The following CDKN2B-AS1 variants were observed in gnomAD, a reference collection of about 807,000 sequenced individuals.
The protein encoded by CDKN2B-AS1 is CDKN2B and CDKN2A antisense cis and trans regulatory RNA 1.
rs1472963214 is a variant in CDKN2B-AS1 at position 22,060,798 on chromosome 9, G to A, written n.438+4411G>A. 2.6e-5 allele frequency among the ~76,000 whole-genome samples: 4 copies of A among 152,288 alleles called. No individual in the cohort carries two copies. The East Asian group carries it at 5.8e-4, about 22-fold the overall frequency. ...GGAGGTGAAAGGCACTTCTCATGTG[G>A]CAGTGGCAAGAGTAAAATGAGGAGG... On this transcript the variant is annotated intron_variant and non_coding_transcript_variant, in intron 4 of 4. Coordinates refer to ENST00000650946, the Ensembl canonical transcript of CDKN2B-AS1.
At chr9:22,080,312 G>A (rs72651091) in intron 4 of CDKN2B-AS1, among the ~76,000 whole-genome samples, 1 of 152,204 alleles carries the variant, frequency 6.6e-6, no homozygotes, top group African/African-American at 2.4e-5. Context: ...ACTTAGAAAT[G>A]TACCGACCAC....
chr9:22,012,396 C>A, intron 1 of CDKN2B-AS1: 1 of 832,832 alleles, frequency 1.2e-6, no homozygotes, highest in Non-Finnish European at 2.1e-6. Context: ...ATTGAGCCTT[C>A]ACTCTTCCAG....
At chr9:22,024,145 G>C (rs2131229539) in intron 1 of CDKN2B-AS1, among the ~76,000 whole-genome samples, 1 of 152,218 alleles carries the variant, frequency 6.6e-6, no homozygotes, top group East Asian at 1.9e-4. Flanking sequence ...TGACCTTGAG[G>C]GTTTGATTGT....
At chr9:22,063,380 A>G (rs1400371780) in intron 4 of CDKN2B-AS1, among the ~76,000 whole-genome samples, 1 of 152,216 alleles carries the variant, frequency 6.6e-6, no homozygotes, top group Non-Finnish European at 1.5e-5. Context: ...TGCCTGCTTA[A>G]AGTAAGGAAA....
At chr9:22,028,769 C>T (rs983403743) in intron 1 of CDKN2B-AS1, among the ~76,000 whole-genome samples, 1 of 152,088 alleles carries the variant, frequency 6.6e-6, no homozygotes, top group East Asian at 1.9e-4. Context: ...GTTTGTGAAA[C>T]ATTTATGCAG....
chr9:22,005,662 C>T lies in CDKN2B-AS1; in HGVS notation n.29+10501C>T, dbSNP rs1821137147. 2 of 485,616 alleles carry T rather than the reference C, an allele frequency of 4.1e-6. No homozygotes were observed. Among genetic ancestry groups the T allele is most frequent in the African/African-American group, 3.8e-5 (2 of 52,166 alleles). The allele number at this position is 485,616 out of a possible 1,614,324, so 30.1% of individuals were successfully genotyped here. On this transcript the variant is annotated intron_variant and non_coding_transcript_variant, in intron 1 of 4. Coordinates refer to ENST00000650946, the Ensembl canonical transcript of CDKN2B-AS1. The surrounding 1 kb of genome is among the most constrained non-coding windows in gnomAD (Gnocchi z 4.9). The stretch of plus-strand genomic sequence containing the variant: ...TCGGAAGATTCGTAGCCACCAGGTC[C>T]AGTCAAGGATTTCATATGCACTTTC...
At chr9:22,077,300 G>A (rs1045283216) in intron 4 of CDKN2B-AS1, among the ~76,000 whole-genome samples, 1 of 151,822 alleles carries the variant, frequency 6.6e-6, no homozygotes, top group Admixed American at 6.6e-5. Context: ...TAAAAATATT[G>A]AAATGTTTTG....
chr9:22,089,542 C>T (rs1824991620), intron 4 of CDKN2B-AS1, among the ~76,000 whole-genome samples: 1 of 152,112 alleles, frequency 6.6e-6, no homozygotes, highest in Admixed American at 6.6e-5. Context: ...GTGATCTTCC[C>T]ACCTCTGCCT....
At chr9:22,051,106 T>C (rs1249652793) in intron 3 of CDKN2B-AS1, among the ~76,000 whole-genome samples, 1 of 152,186 alleles carries the variant, frequency 6.6e-6, no homozygotes, top group African/African-American at 2.4e-5. Context: ...CATTCAACTG[T>C]AATTTCCACT....
At chr9:22,062,387 T>C (rs1296725539) in intron 4 of CDKN2B-AS1, among the ~76,000 whole-genome samples, 2 of 152,236 alleles carry the variant, frequency 1.3e-5, no homozygotes, top group African/African-American at 4.8e-5. Flanking sequence ...TAATACCTCA[T>C]TTCTGGGCAC....
intron 4 of CDKN2B-AS1, among the ~76,000 whole-genome samples, chr9:22,126,938 A>G (rs1419954194): frequency 6.6e-6 from 1 of 152,190 alleles, no homozygotes; most frequent in Non-Finnish European, 1.5e-5. Flanking sequence ...TTGTAGGTGA[A>G]GTATTAAGAC....
chr9:22,043,713 CTATGATTTTCAACTTAAT>C (rs1364682416), intron 1 of CDKN2B-AS1, among the ~76,000 whole-genome samples: 1 of 151,950 alleles, frequency 6.6e-6, no homozygotes, highest in Non-Finnish European at 1.5e-5. Context: ...TGAAAATATA[CTATGATTTTCAACTTAAT>C]TAAATTTGTT....
At chr9:22,076,064 A>AT (rs1428575869) in intron 4 of CDKN2B-AS1, among the ~76,000 whole-genome samples, 3 of 151,854 alleles carry the variant, frequency 2.0e-5, no homozygotes, top group African/African-American at 7.3e-5. Flanking sequence ...ATTTTATTTT[A>AT]TTTTTTTTAA....
At chr9:22,050,366 T>G (rs1392793802) in intron 3 of CDKN2B-AS1, among the ~76,000 whole-genome samples, 2 of 152,234 alleles carry the variant, frequency 1.3e-5, no homozygotes, top group African/African-American at 2.4e-5. Flanking sequence ...TTTTCAGTTT[T>G]TCTTCCTCTG....
At chr9:22,066,210 CTAT>C (rs1440832828) in intron 4 of CDKN2B-AS1, 2 of 87,896 alleles carry the variant, frequency 2.3e-5, no homozygotes, top group African/African-American at 8.7e-5. Context: ...TTTAAAAATT[CTAT>C]TTTTTTTTTT....
chr9:22,034,915 T>G (rs1467369205), intron 1 of CDKN2B-AS1, among the ~76,000 whole-genome samples: 1 of 152,182 alleles, frequency 6.6e-6, no homozygotes, highest in Admixed American at 6.6e-5. Context: ...GGAGTTCAAC[T>G]AGAGTTTGAT....
chr9:22,007,779 T>C (rs1821267207), intron 1 of CDKN2B-AS1, among the ~76,000 whole-genome samples: 1 of 152,174 alleles, frequency 6.6e-6, no homozygotes, highest in African/African-American at 2.4e-5. Context: ...GTGAATTACA[T>C]ATATAACTTG....
At chr9:22,041,287 T>G (rs1822885882) in intron 1 of CDKN2B-AS1, among the ~76,000 whole-genome samples, 1 of 152,004 alleles carries the variant, frequency 6.6e-6, no homozygotes. Flanking sequence ...ACCTCTTCAG[T>G]AGGTGTGATC....
chr9:22,119,745 A>T (rs1279424180), intron 4 of CDKN2B-AS1: 1 of 152,242 alleles, frequency 6.6e-6, no homozygotes. Context: ...GTCTGGGTCC[A>T]AAAGGGTTGA....
Sources: allele counts gnomAD v4.1 joint callset (sites outside exome capture counted in the v4.1 genomes callset), GRCh38; gene constraint gnomAD v4.1.1; non-coding constraint Gnocchi (gnomAD v3.1); transcripts MANE v1.5; gene names NCBI Gene and HGNC (gene_info 2026-07-23, HGNC 2026-07-21).